The following FAM193A variants were observed in gnomAD, a reference collection of about 807,000 sequenced individuals.
FAM193A encodes the protein family with sequence similarity 193 member A, also known as protein FAM193A.
In FAM193A, 22 loss-of-function variants were observed where a neutral mutation model predicts 126.5. The observed-to-expected ratio is 0.17, with a 90% CI of 0.12 to 0.25. The LOEUF is 0.25. FAM193A is among the 10% of genes least tolerant of loss of function. FAM193A has a pLI of 1.00. For synonymous variants in FAM193A, 761 were observed against 646.8 expected (o/e 1.18, Z -2.68); for missense variants, 1,675 against 1,672.8 (o/e 1.00, Z -0.02).
At chr4:2,652,216 C>G (rs556658065) in intron 7 of FAM193A, among the ~76,000 whole-genome samples, 1 of 152,108 alleles carries the variant, frequency 6.6e-6, no homozygotes, top group African/African-American at 2.4e-5. Flanking sequence ...TTGGGTGTGT[C>G]GGTGCTTCCT....
At chr4:2,692,272 C>T (rs1292931795) in intron 15 of FAM193A, among the ~76,000 whole-genome samples, 3 of 152,126 alleles carry the variant, frequency 2.0e-5, no homozygotes, top group Non-Finnish European at 4.4e-5. Context: ...GGGGGAAGCC[C>T]CTTATAAAAC....
intron 19 of FAM193A, among the ~76,000 whole-genome samples, chr4:2,712,595 G>T (rs13152126): frequency 0.012 from 1,765 of 152,190 alleles, 15 homozygotes; most frequent in South Asian, 0.025. Flanking sequence ...GTTTTAGGAC[G>T]TTCTCTTGTG....
At chr4:2,645,649 C>A (rs1467921015) in intron 6 of FAM193A, among the ~76,000 whole-genome samples, 4 of 152,118 alleles carry the variant, frequency 2.6e-5, no homozygotes, top group Non-Finnish European at 5.9e-5. Flanking sequence ...GTCTCAGCCT[C>A]CTGAGTAGCT....
At chr4:2,581,420 AT>A (rs903423195) in intron 1 of FAM193A, among the ~76,000 whole-genome samples, 2 of 150,320 alleles carry the variant, frequency 1.3e-5, no homozygotes, top group Non-Finnish European at 3.0e-5. Flanking sequence ...CGCCTGGCTG[AT>A]TTTTTTGTAT....
At chr4:2,653,578 G>A (rs1430411524) in intron 7 of FAM193A, among the ~76,000 whole-genome samples, 1 of 152,086 alleles carries the variant, frequency 6.6e-6, no homozygotes, top group Non-Finnish European at 1.5e-5. Context: ...CGAGTAGTAG[G>A]GACTACAGGC....
intron 1 of FAM193A, among the ~76,000 whole-genome samples, chr4:2,565,154 A>C (rs924284581): frequency 5.3e-5 from 8 of 149,588 alleles, no homozygotes; most frequent in Admixed American, 4.0e-4. Flanking sequence ...ATTCCAGTTG[A>C]GTACTCTTTT....
At chr4:2,731,068 C>G (rs1052590360) in intron 20 of FAM193A, among the ~76,000 whole-genome samples, 12 of 151,106 alleles carry the variant, frequency 7.9e-5, no homozygotes, top group African/African-American at 2.7e-4. Flanking sequence ...TGGTGGTGGG[C>G]ACCTGTAATC....
At chr4:2,579,374 C>T (rs1412723915) in intron 1 of FAM193A, among the ~76,000 whole-genome samples, 1 of 151,404 alleles carries the variant, frequency 6.6e-6, no homozygotes, top group South Asian at 2.1e-4. Context: ...TGGTACGCGC[C>T]TGTAATCCTA....
At chr4:2,671,291 C>A (rs1475429241) in intron 12 of FAM193A, among the ~76,000 whole-genome samples, 2 of 152,226 alleles carry the variant, frequency 1.3e-5, no homozygotes, top group African/African-American at 4.8e-5. Flanking sequence ...GTCTCCTTTG[C>A]CACTCACCCC....
chr4:2,679,964 G>T (rs1411335417), intron 13 of FAM193A, among the ~76,000 whole-genome samples: 3 of 151,784 alleles, frequency 2.0e-5, no homozygotes, highest in Non-Finnish European at 2.9e-5. Context: ...GATTCTAAGC[G>T]ATTCCCTGGC....
chr4:2,680,152 C>T (rs1179069105), intron 13 of FAM193A, among the ~76,000 whole-genome samples: 14 of 152,184 alleles, frequency 9.2e-5, no homozygotes, highest in African/African-American at 2.9e-4. Context: ...TGAGCCACTG[C>T]GCCCAGCCTA....
chr4:2,687,853 C>T (rs1715915724), intron 13 of FAM193A, among the ~76,000 whole-genome samples: 1 of 152,206 alleles, frequency 6.6e-6, no homozygotes, highest in Non-Finnish European at 1.5e-5. Flanking sequence ...CTGGCTGCTG[C>T]CCACACTCAA....
At chr4:2,718,628 G>T (rs932189522) in intron 20 of FAM193A, among the ~76,000 whole-genome samples, 11 of 152,178 alleles carry the variant, frequency 7.2e-5, no homozygotes, top group Admixed American at 7.2e-4. Context: ...TCAGGAGGCT[G>T]AGGTGGGAGG....
In FAM193A at chr4:2,693,710, G is replaced by A. The variant is rs140869649; in HGVS notation, c.2928G>A (p.Ala976=). The A allele has an allele frequency of 8.1e-5, 131 of 1,614,092 alleles. 1 individual carries two copies. In the African/African-American group the frequency reaches 8.7e-4, roughly 11 times the overall value. Residue 976 remains alanine (A), a synonymous_variant, in exon 16 of 21, where the codon GCG becomes GCA. Coordinates refer to ENST00000637812, the MANE Select transcript of FAM193A (RefSeq NM_001366318.2). ...ALSPAALSPA[A]LSPASTPHLA... is the part of the protein sequence containing the mutation. ...CGCCTGCTGCGCTGTCACCTGCTGC[G>A]CTCTCACCTGCCTCCACACCTCACC...
At chr4:2,644,708 G>A (rs188177223) in intron 6 of FAM193A, among the ~76,000 whole-genome samples, 237 of 152,242 alleles carry the variant, frequency 1.6e-3, no homozygotes, top group African/African-American at 5.5e-3. Context: ...GATGGCTTCA[G>A]TAGCTGCAAG....
intron 1 of FAM193A, among the ~76,000 whole-genome samples, chr4:2,558,273 G>GA (rs527575996): frequency 2.3e-3 from 236 of 103,094 alleles, no homozygotes; most frequent in South Asian, 3.0e-3. Flanking sequence ...CATCTCAAAT[G>GA]AAAAAAAAAA....
Position 2,631,042 on chromosome 4 carries a change from C to A in FAM193A, c.911C>A (p.Ala304Asp), listed in dbSNP as rs748519121. Residue 304 changes from alanine to aspartate, a missense_variant, in exon 5 of 21, where the codon GCC (alanine) becomes GAC (aspartate). Physicochemically the swap from Ala to Asp is moderately radical, Grantham distance 126. Around this residue, in one of 4 missense-constraint regions of FAM193A, gnomAD observed 1,186 missense variants for 1,109.2 expected, o/e 1.07. Coordinates refer to ENST00000637812, the MANE Select transcript of FAM193A (RefSeq NM_001366318.2). ...CTGCTCCGGCAGCTGTCGGCTGCGG[C>A]CAAGGTGAAGGCACCATCTGGCCTG... Reference protein sequence around the residue: ...VRLLRQLSAAAKVKAPSGLQG... With the variant: ...VRLLRQLSAADKVKAPSGLQG... 5.6e-6 allele frequency: 9 copies of A among 1,613,558 alleles called. No homozygotes were observed. The highest frequency in any genetic ancestry group is 1.3e-5 in the African/African-American group (1 of 75,060).
At chr4:2,613,690 G>A (rs1259838388) in intron 2 of FAM193A, among the ~76,000 whole-genome samples, 1 of 151,798 alleles carries the variant, frequency 6.6e-6, no homozygotes, top group Non-Finnish European at 1.5e-5. Context: ...CCGACCTCGG[G>A]TGATCCGCAT....
chr4:2,629,910 A>C (rs1012530594), intron 4 of FAM193A, among the ~76,000 whole-genome samples: 3 of 152,170 alleles, frequency 2.0e-5, no homozygotes, highest in Admixed American at 6.5e-5. Flanking sequence ...AGGCGGGCGG[A>C]TCACAAGGTC....
Sources: gnomAD v4.1 joint callset for allele counts (sites outside exome capture counted in the v4.1 genomes callset) on GRCh38, gnomAD v4.1.1 for gene constraint, gnomAD v4.1.1 regional missense constraint, MANE v1.5 for transcripts, NCBI Gene and HGNC (gene_info 2026-07-23, HGNC 2026-07-21) for gene names.